CNTNAP5: variants seen among roughly 807,000 people sequenced by gnomAD.
The protein encoded by CNTNAP5 is contactin associated protein family member 5, also known as contactin-associated protein-like 5.
A neutral mutation model predicts 150.2 loss-of-function variants in CNTNAP5; 72 were observed. The observed-to-expected ratio is 0.48, with a 90% CI of 0.40 to 0.58. The LOEUF (loss-of-function observed/expected upper bound fraction) is 0.58, where lower values mean the gene tolerates loss of function less well. Among genes scored for constraint, CNTNAP5 ranks in the 20% least tolerant of loss-of-function variants. The pLI, the probability that CNTNAP5 is intolerant of heterozygous loss-of-function variation, is 0.00. For synonymous variants in CNTNAP5, 672 were observed against 619.8 expected (o/e 1.08, Z -1.25); for missense variants, 1,636 against 1,626.2 (o/e 1.01, Z -0.10).
chr2:124,820,333 A>T (rs1682458698), intron 19 of CNTNAP5, among the ~76,000 whole-genome samples: 1 of 152,126 alleles, frequency 6.6e-6, no homozygotes, highest in African/African-American at 2.4e-5. Flanking sequence ...ATTCTATCAC[A>T]CATTGAGAGA....
chr2:124,799,165 T>C (rs1457176576), intron 19 of CNTNAP5, among the ~76,000 whole-genome samples: 1 of 152,190 alleles, frequency 6.6e-6, no homozygotes, highest in Non-Finnish European at 1.5e-5. Context: ...GTGCCTAAAT[T>C]GCCCATTATT....
At chr2:124,039,284 C>T (rs552991733) in intron 1 of CNTNAP5, among the ~76,000 whole-genome samples, 1 of 152,304 alleles carries the variant, frequency 6.6e-6, no homozygotes, top group Non-Finnish European at 1.5e-5. Flanking sequence ...CTCATGTTAG[C>T]TGTGATTAAA....
intron 3 of CNTNAP5, among the ~76,000 whole-genome samples, chr2:124,339,152 G>A (rs1689547187): frequency 6.6e-6 from 1 of 152,108 alleles, no homozygotes; most frequent in Non-Finnish European, 1.5e-5. Flanking sequence ...CATAAAGAAA[G>A]TTCTTGGACT....
At chr2:124,231,269 GTT>G (rs1243439168) in intron 2 of CNTNAP5, among the ~76,000 whole-genome samples, 3 of 152,138 alleles carry the variant, frequency 2.0e-5, no homozygotes, top group Non-Finnish European at 4.4e-5. Flanking sequence ...AGTTGGCTAA[GTT>G]ATTAAAAAGA....
chr2:124,504,087 A>G (rs1694341243), intron 7 of CNTNAP5, among the ~76,000 whole-genome samples: 1 of 152,074 alleles, frequency 6.6e-6, no homozygotes, highest in African/African-American at 2.4e-5. Context: ...CTTTGCAGAT[A>G]GCATTGTGAT....
chr2:124,844,989 C>T (rs1054221402), intron 19 of CNTNAP5, among the ~76,000 whole-genome samples: 4 of 152,150 alleles, frequency 2.6e-5, no homozygotes, highest in African/African-American at 9.6e-5. Context: ...TGTCTGATTG[C>T]TGTGGCTAGG....
At chr2:124,425,310 C>T (rs1163588980) in intron 4 of CNTNAP5, among the ~76,000 whole-genome samples, 3 of 152,160 alleles carry the variant, frequency 2.0e-5, no homozygotes, top group Non-Finnish European at 2.9e-5. Flanking sequence ...TAATAACTAT[C>T]GTCTCTAATT....
intron 8 of CNTNAP5, among the ~76,000 whole-genome samples, chr2:124,519,534 C>T (rs897144934): frequency 1.2e-4 from 18 of 152,274 alleles, no homozygotes; most frequent in Middle Eastern, 3.4e-3. Flanking sequence ...TCCCTTTGAA[C>T]GCTGGCTCTG....
intron 5 of CNTNAP5, among the ~76,000 whole-genome samples, chr2:124,442,669 G>A (rs932006522): frequency 3.3e-5 from 5 of 152,046 alleles, no homozygotes; most frequent in Non-Finnish European, 7.4e-5. Context: ...GAAAATGATA[G>A]ATTTGTTCCC....
In CNTNAP5 at chr2:124,848,349, G is replaced by A. The variant is rs1683091792; in HGVS notation, c.3218-16957G>A. On this transcript the variant is annotated intron_variant, in intron 19 of 23. Coordinates refer to ENST00000682447, the MANE Select transcript of CNTNAP5 (RefSeq NM_001367498.1). The stretch of plus-strand genomic sequence containing the variant: ...ATCATCCATGTTATTGAGAATTAAA[G>A]TATTTTTATTATTTCCTGTGGCTAA... Among the ~76,000 whole-genome samples, 6 of 152,144 alleles carry A rather than the reference G, an allele frequency of 3.9e-5. No individual in the cohort carries two copies. In the South Asian group the frequency reaches 1.2e-3, roughly 32 times the overall value.
intron 7 of CNTNAP5, among the ~76,000 whole-genome samples, chr2:124,498,519 C>A (rs991857357): frequency 3.3e-5 from 5 of 152,156 alleles, no homozygotes; most frequent in Non-Finnish European, 7.4e-5. Context: ...CGAGGCAGAT[C>A]TCAAATTCCT....
At chr2:124,556,245 A>G (rs984447382) in intron 10 of CNTNAP5, among the ~76,000 whole-genome samples, 4 of 152,132 alleles carry the variant, frequency 2.6e-5, no homozygotes, top group African/African-American at 9.7e-5. Flanking sequence ...TGGACAAGTT[A>G]TTCACCCTCA....
At chr2:124,640,983 G>A (rs1678079442) in intron 12 of CNTNAP5, among the ~76,000 whole-genome samples, 1 of 151,988 alleles carries the variant, frequency 6.6e-6, no homozygotes, top group East Asian at 1.9e-4. Flanking sequence ...AAAATTAGCT[G>A]GGCGTGGTGG....
intron 19 of CNTNAP5, among the ~76,000 whole-genome samples, chr2:124,816,818 T>C (rs1001867951): frequency 4.6e-5 from 7 of 152,116 alleles, no homozygotes; most frequent in African/African-American, 7.2e-5. Flanking sequence ...AGCAAATATA[T>C]GTATGTATGG....
chr2:124,339,618 T>G (rs1357715486), intron 3 of CNTNAP5, among the ~76,000 whole-genome samples: 2 of 152,312 alleles, frequency 1.3e-5, no homozygotes, highest in East Asian at 3.9e-4. Context: ...TGTAATTGCC[T>G]GATGGGTTTT....
chr2:124,147,620 C>T (rs1405527339), intron 1 of CNTNAP5, among the ~76,000 whole-genome samples: 1 of 152,212 alleles, frequency 6.6e-6, no homozygotes, highest in Non-Finnish European at 1.5e-5. Flanking sequence ...ACACATTTTG[C>T]TCCAGATGTC....
At chr2:124,724,328 G>T (rs534627542) in intron 13 of CNTNAP5, among the ~76,000 whole-genome samples, 10 of 151,962 alleles carry the variant, frequency 6.6e-5, no homozygotes, top group African/African-American at 2.4e-4. Flanking sequence ...GATGTGTAGG[G>T]TGAAGTACAG....
intron 1 of CNTNAP5, among the ~76,000 whole-genome samples, chr2:124,164,326 A>G (rs976965378): frequency 1.3e-5 from 2 of 152,232 alleles, no homozygotes; most frequent in Non-Finnish European, 2.9e-5. Flanking sequence ...GGCATGTGCC[A>G]TTGATTAAGA....
At chr2:124,386,144 T>C (rs1690921484) in intron 3 of CNTNAP5, among the ~76,000 whole-genome samples, 1 of 152,130 alleles carries the variant, frequency 6.6e-6, no homozygotes, top group South Asian at 2.1e-4. Flanking sequence ...TTTCACATGG[T>C]CTACTGGAAC....
Sources: gnomAD v4.1 joint callset for allele counts (sites outside exome capture counted in the v4.1 genomes callset) on GRCh38, gnomAD v4.1.1 for gene constraint, MANE v1.5 for transcripts, NCBI Gene and HGNC (gene_info 2026-07-23, HGNC 2026-07-21) for gene names.